Variants in MARCHF1 observed in about 807,000 individuals in gnomAD.
The protein encoded by MARCHF1 is E3 ubiquitin-protein ligase MARCHF1.
Under a neutral mutation model 54.2 loss-of-function variants are expected in MARCHF1, and 40 were observed. The ratio of observed to expected loss-of-function variants is 0.74; its 90% confidence interval spans 0.57 to 0.96. MARCHF1 has a LOEUF of 0.96. Among genes scored for constraint, MARCHF1 ranks in the 40% least tolerant of loss-of-function variants. The pLI is 0.00. For synonymous variants in MARCHF1, 236 were observed against 236.3 expected (o/e 1.00, Z 0.01); for missense variants, 586 against 656.5 (o/e 0.89, Z 1.17).
rs540560918 is a variant in MARCHF1 at position 163,932,792 on chromosome 4, G to A, written c.-39+55709C>T. The A allele has an allele frequency of 4.0e-4, 243 of 601,976 alleles. 4 individuals carry two copies. The highest frequency in any genetic ancestry group is 2.9e-3 in the South Asian group (208 of 70,798). 37.3% of individuals were successfully genotyped at this position (601,976 alleles called of 1,614,324 possible). ...AGAAAGTGGAGTCTGAGCTGAGATC[G>A]ATCGGCACCATGGTCCTGGAATTGT... On this transcript the variant is annotated intron_variant, in intron 3 of 9. Transcript: ENST00000514618.
Position 164,189,765 on chromosome 4 carries a change from G to T in MARCHF1, c.-322-78103C>A, listed in dbSNP as rs549193980. On this transcript the variant is annotated intron_variant, in intron 1 of 9. Transcript: ENST00000514618. ...TAATCAACCAACTGTCATAATCAAG[G>T]TCTATGAGGATGAATGACCCCTGAC... is the stretch of plus-strand genomic sequence containing the variant. The T allele has an allele frequency of 3.7e-6, 5 of 1,350,020 alleles. No homozygotes were observed. The African/African-American group carries it at 4.3e-5, about 11-fold the overall frequency. The allele number at this position is 1,350,020 out of a possible 1,614,324, so 83.6% of individuals were successfully genotyped here.
At chr4:163,687,239 T>C (rs1044835875) in intron 5 of MARCHF1, among the ~76,000 whole-genome samples, 5 of 152,000 alleles carry the variant, frequency 3.3e-5, no homozygotes, top group African/African-American at 1.2e-4. Flanking sequence ...ATCTTTTTTT[T>C]TTTTTTGAGA....
chr4:163,533,242 G>A (rs1412494416), intron 9 of MARCHF1, among the ~76,000 whole-genome samples: 1 of 151,832 alleles, frequency 6.6e-6, no homozygotes, highest in Non-Finnish European at 1.5e-5. Flanking sequence ...AAATAAAAGA[G>A]GTCAGTCTGA....
chr4:163,645,413 G>T (rs1170694567), intron 5 of MARCHF1, among the ~76,000 whole-genome samples: 1 of 152,166 alleles, frequency 6.6e-6, no homozygotes, highest in Non-Finnish European at 1.5e-5. Flanking sequence ...CTAGAAGAGG[G>T]TCTTGTTCCT....
At chr4:163,575,489 A>T (rs1205786257) in intron 8 of MARCHF1, among the ~76,000 whole-genome samples, 1 of 152,064 alleles carries the variant, frequency 6.6e-6, no homozygotes, top group Non-Finnish European at 1.5e-5. Context: ...ATCTATGTTC[A>T]TCAGGGTTGC....
intron 4 of MARCHF1, among the ~76,000 whole-genome samples, chr4:163,715,162 T>C (rs760455999): frequency 4.6e-5 from 7 of 152,234 alleles, no homozygotes; most frequent in Admixed American, 1.3e-4. Flanking sequence ...TTCCATGTGG[T>C]ACTATTTATG....
At chr4:164,207,385 G>A (rs1032431950) in intron 1 of MARCHF1, among the ~76,000 whole-genome samples, 1 of 152,082 alleles carries the variant, frequency 6.6e-6, no homozygotes, top group Admixed American at 6.6e-5. Context: ...CTGTGTTACA[G>A]GCACCGGCAG....
chr4:164,070,218 C>A (rs184649026), intron 2 of MARCHF1, among the ~76,000 whole-genome samples: 2 of 152,090 alleles, frequency 1.3e-5, no homozygotes, highest in East Asian at 3.9e-4. Flanking sequence ...AAACATATAC[C>A]CCCTATATCT....
intron 3 of MARCHF1, among the ~76,000 whole-genome samples, chr4:163,856,804 G>A (rs1183680718): frequency 2.6e-5 from 4 of 151,784 alleles, no homozygotes; most frequent in African/African-American, 9.7e-5. Flanking sequence ...TGAGCTCAGG[G>A]GTTCAAGATC....
intron 4 of MARCHF1, among the ~76,000 whole-genome samples, chr4:163,738,438 T>C (rs868144547): frequency 2.6e-5 from 4 of 152,136 alleles, no homozygotes; most frequent in Non-Finnish European, 5.9e-5. Flanking sequence ...TGTAAGAATA[T>C]TTTCACTAAC....
intron 3 of MARCHF1, among the ~76,000 whole-genome samples, chr4:163,891,569 A>T (rs192348074): frequency 6.6e-6 from 1 of 151,238 alleles, no homozygotes; most frequent in African/African-American, 2.4e-5. Flanking sequence ...AAAAAAAGCT[A>T]AAAAAAAACC....
In MARCHF1 at chr4:163,933,586, T is replaced by C. The variant is rs534863940; in HGVS notation, c.-39+54915A>G. The stretch of plus-strand genomic sequence containing the variant: ...CAAGTGACTGTGTTTTGTATTACTG[T>C]GAAGATATGAAAATGTAGTTAATTA... On this transcript the variant is annotated intron_variant, in intron 3 of 9. Coordinates refer to ENST00000514618, the MANE Select transcript of MARCHF1 (RefSeq NM_001394959.1). Among the ~76,000 whole-genome samples the C allele has an allele frequency of 9.2e-5, 14 of 152,348 alleles. No individual in the cohort carries two copies. In the East Asian group the frequency reaches 2.7e-3, roughly 29 times the overall value.
At chr4:164,107,209 A>T (rs539133122) in intron 2 of MARCHF1, among the ~76,000 whole-genome samples, 9 of 152,160 alleles carry the variant, frequency 5.9e-5, no homozygotes, top group African/African-American at 2.2e-4. Flanking sequence ...CATTTGTCAT[A>T]TATCAGTGGT....
At chr4:163,984,249 A>G (rs1752818717) in intron 3 of MARCHF1, among the ~76,000 whole-genome samples, 1 of 152,212 alleles carries the variant, frequency 6.6e-6, no homozygotes, top group Admixed American at 6.5e-5. Flanking sequence ...AAAAAAATGT[A>G]AAAACTGAGG....
intron 1 of MARCHF1, among the ~76,000 whole-genome samples, chr4:164,364,825 T>G (rs1320190971): frequency 6.6e-6 from 1 of 152,008 alleles, no homozygotes; most frequent in East Asian, 1.9e-4. Context: ...CTTTATCTTT[T>G]CTAGCCATTT....
chr4:163,903,232 TC>T, intron 3 of MARCHF1, among the ~76,000 whole-genome samples: 1 of 31,318 alleles, frequency 3.2e-5, no homozygotes, highest in African/African-American at 6.3e-5. Context: ...TGATCTTCCT[TC>T]CCTTGTGTGT....
intron 1 of MARCHF1, chr4:164,189,858 C>A: frequency 6.3e-7 from 1 of 1,592,666 alleles, no homozygotes; most frequent in Non-Finnish European, 8.6e-7. Context: ...TGGGGTCCCA[C>A]AGATTGAAGT....
chr4:164,215,826 G>A (rs1391095784), intron 1 of MARCHF1, among the ~76,000 whole-genome samples: 2 of 152,250 alleles, frequency 1.3e-5, no homozygotes, highest in East Asian at 3.9e-4. Context: ...TTGTGAAGGT[G>A]AAATACACTT....
chr4:163,639,669 G>A (rs1452099470), intron 5 of MARCHF1, among the ~76,000 whole-genome samples: 1 of 152,066 alleles, frequency 6.6e-6, no homozygotes, highest in Admixed American at 6.6e-5. Context: ...TTCCCTGCTT[G>A]TCTACCAGGT....
Sources: allele counts gnomAD v4.1 joint callset (sites outside exome capture counted in the v4.1 genomes callset), GRCh38; gene constraint gnomAD v4.1.1; transcripts MANE v1.5; gene names NCBI Gene and HGNC (gene_info 2026-07-23, HGNC 2026-07-21).